Variants in DRG1 observed in about 807,000 individuals in gnomAD.
DRG1 encodes the protein developmentally regulated GTP binding protein 1.
A neutral mutation model predicts 38.8 loss-of-function variants in DRG1; 19 were observed. That is an observed-to-expected ratio of 0.49 (90% CI 0.34 to 0.72). The LOEUF is 0.72. Ranked by LOEUF, DRG1 falls within the 30% of genes least tolerant of loss-of-function variation. The pLI, the probability that DRG1 is intolerant of heterozygous loss-of-function variation, is 0.01. For synonymous variants in DRG1, 167 were observed against 157.5 expected (o/e 1.06, Z -0.45); for missense variants, 299 against 444.8 (o/e 0.67, Z 2.95).
Position 31,434,044 on chromosome 22 carries a change from C to A in DRG1, c.*73C>A. 1.4e-6 allele frequency: 2 copies of A among 1,446,426 alleles called. No individual in the cohort carries two copies. Among genetic ancestry groups the A allele is most frequent in the Non-Finnish European group, 1.9e-6 (2 of 1,043,952 alleles). 89.6% of individuals were successfully genotyped at this position (1,446,426 alleles called of 1,614,324 possible). ...CATGATCAAGCACCCTACCCCAGTT[C>A]TTTCTGGTTTTGGCAGTCACTGGAT... On this transcript the variant is annotated 3_prime_UTR_variant, in exon 9 of 9. Transcript: ENST00000331457.
intron 5 of DRG1, chr22:31,421,311 C>T (rs953116512): frequency 4.5e-5 from 5 of 111,602 alleles, no homozygotes; most frequent in South Asian, 2.7e-4. Flanking sequence ...TTGGTAGAAA[C>T]GGAGATTTGC....
intron 3 of DRG1, among the ~76,000 whole-genome samples, chr22:31,410,480 G>A (rs1277350936): frequency 3.3e-5 from 5 of 151,118 alleles, no homozygotes; most frequent in Non-Finnish European, 7.4e-5. Context: ...AACAAAAAAC[G>A]CCTATAGGCT....
Position 31,399,666 on chromosome 22 carries a change from C to A in DRG1, c.-18C>A. ...GTGTGAAGGGAGACAGTGTGGAGGC[C>A]ACAGGGTACTCGCCACGATGAGCAG... On this transcript the variant is annotated 5_prime_UTR_variant, in exon 1 of 9. Transcript: ENST00000331457. 6.2e-7 allele frequency: 1 copy of A among 1,614,022 alleles called. No homozygotes were observed. Among genetic ancestry groups the A allele is most frequent in the Non-Finnish European group, 8.5e-7 (1 of 1,179,902 alleles).
chr22:31,403,351 A>G, intron 3 of DRG1, 147 bp downstream of exon 3: 2 of 889,154 alleles, frequency 2.2e-6, no homozygotes, highest in Non-Finnish European at 3.3e-6. Flanking sequence ...GTACGATAAT[A>G]AAATGGGATA....
intron 3 of DRG1, among the ~76,000 whole-genome samples, chr22:31,407,935 A>G (rs916448509): frequency 4.7e-5 from 7 of 149,890 alleles, no homozygotes; most frequent in African/African-American, 1.7e-4. Context: ...AGCTTGGCCA[A>G]TGTGGTGAAA....
intron 8 of DRG1, among the ~76,000 whole-genome samples, chr22:31,432,386 C>CAT (rs1394362904): frequency 6.6e-6 from 1 of 151,092 alleles, no homozygotes. Flanking sequence ...CTTGACCACA[C>CAT]TGATCCCTTA....
intron 2 of DRG1, among the ~76,000 whole-genome samples, chr22:31,401,848 C>T (rs995592702): frequency 3.3e-5 from 5 of 151,848 alleles, no homozygotes; most frequent in African/African-American, 1.2e-4. Flanking sequence ...GTCAGGAGTT[C>T]GAGACTAGCC....
rs1229776376 is a variant in DRG1, at chr22:31,400,626, C to T, written c.49C>T (p.Arg17Trp). Residue 17 changes from arginine to tryptophan, a missense_variant, in exon 2 of 9, where the codon CGG (arginine) becomes TGG (tryptophan). Coordinates refer to ENST00000331457, the MANE Select transcript of DRG1 (RefSeq NM_004147.4). ...TGTGATTCCTCCCTTTTAGATGGCTCGGACTCAAAAGAACAAGGCCACAGC... is the reference window on the plus strand; with the variant it reads ...TGTGATTCCTCCCTTTTAGATGGCTTGGACTCAAAAGAACAAGGCCACAGC... ...KIAEIEAEMA[R>W]TQKNKATAHH... 1.2e-6 allele frequency: 2 copies of T among 1,612,512 alleles called. No individual in the cohort carries two copies. The highest frequency in any genetic ancestry group is 1.7e-5 in the Admixed American group (1 of 59,890).
rs1337931838 is a variant in DRG1, at chr22:31,423,317, G to C, written c.620G>C (p.Ser207Thr). The C allele has an allele frequency of 1.9e-6, 3 of 1,614,070 alleles. No homozygotes were observed. The highest frequency in any genetic ancestry group is 2.5e-6 in the Non-Finnish European group (3 of 1,180,016). Residue 207 changes from serine to threonine, a missense_variant, in exon 6 of 9, where the codon AGC (serine) becomes ACC (threonine). Physicochemically the swap from Ser to Thr is moderately conservative, Grantham distance 58 (BLOSUM62 1). This residue lies in a region of DRG1 where 198 missense variants were observed against 268.1 expected (regional missense o/e 0.74). Transcript: ENST00000331457. The part of the protein sequence containing the change: ...QSELDAETVK[S>T]ILAEYKIHNA... ...GAGCTGGATGCTGAAACTGTGAAGA[G>C]CATTCTGGCTGAATACAAGATTCAT...
intron 5 of DRG1, chr22:31,421,231 A>T (rs2050074981): frequency 2.7e-5 from 4 of 150,836 alleles, no homozygotes; most frequent in Admixed American, 2.0e-4. Flanking sequence ...CTCCTGCCTC[A>T]GCCTTCTAAG....
intron 5 of DRG1, among the ~76,000 whole-genome samples, chr22:31,421,935 T>G (rs5994394): frequency 0.23 from 34,403 of 151,382 alleles, 4,997 homozygotes; most frequent in East Asian, 0.46. Flanking sequence ...GCCAACATGG[T>G]GAAACCCTGT....
In DRG1 at chr22:31,420,405, G is replaced by T; in HGVS notation, c.562G>T (p.Gly188Cys). ...NIGFKKKDKG[G>C]INLTATCPQS... ...TGGCTTTAAGAAGAAGGACAAGGGA[G>T]GCATTAATCTCACAGCCACTGTAAG... The change falls in exon 5 of 9, where the codon GGC becomes TGC. Residue 188 changes from glycine to cysteine, a missense_variant. By Grantham distance (159) the Gly-to-Cys change is radical. This residue lies in a region of DRG1 where 198 missense variants were observed against 268.1 expected (regional missense o/e 0.74). Coordinates refer to ENST00000331457, the MANE Select transcript of DRG1 (RefSeq NM_004147.4). 1 of 1,614,124 alleles carries T rather than the reference G, an allele frequency of 6.2e-7. No homozygotes were observed. Among genetic ancestry groups the T allele is most frequent in the East Asian group, 2.2e-5 (1 of 44,884 alleles).
Position 31,426,604 on chromosome 22 carries a change from A to T in DRG1, c.714-11A>T. 1.9e-6 allele frequency: 3 copies of T among 1,600,974 alleles called. No homozygotes were observed. The highest frequency in any genetic ancestry group is 1.1e-5 in the South Asian group (1 of 88,964). On this transcript the variant is annotated splice_polypyrimidine_tract_variant and intron_variant, in intron 6 of 8. Coordinates refer to ENST00000331457, the MANE Select transcript of DRG1 (RefSeq NM_004147.4). ...CCAGACTAATACCCTGTTTTTCTTC[A>T]CTTTCTGTAGAGTTTATATCCCCTG...
At chr22:31,405,781 C>T (rs899636998) in intron 3 of DRG1, among the ~76,000 whole-genome samples, 2 of 151,874 alleles carry the variant, frequency 1.3e-5, no homozygotes, top group Non-Finnish European at 2.9e-5. Context: ...CTCCGCCTCC[C>T]GGGTTCAAGT....
At chr22:31,422,212 A>G (rs1362974427) in intron 5 of DRG1, among the ~76,000 whole-genome samples, 1 of 152,174 alleles carries the variant, frequency 6.6e-6, no homozygotes, top group African/African-American at 2.4e-5. Context: ...TGGGCAGATT[A>G]CATGAGGTCA....
intron 8 of DRG1, among the ~76,000 whole-genome samples, chr22:31,429,654 CT>C (rs695526): frequency 2.0e-3 from 287 of 143,734 alleles, no homozygotes; most frequent in South Asian, 5.1e-3. Flanking sequence ...TGATAAGCTC[CT>C]TTTTTTTTTT....
At position 31,411,097 on chromosome 22, in the gene DRG1, G is replaced by A; in HGVS notation, c.412+16G>A. 1 of 1,612,826 alleles carries A rather than the reference G, an allele frequency of 6.2e-7. No homozygotes were observed. The highest frequency in any genetic ancestry group is 8.5e-7 in the Non-Finnish European group (1 of 1,179,156). ...GTCATTGCAGGTGAGTGGTTTAAGT[G>A]CCACCATCCTGGGATATCATTCCCT... On this transcript the variant is annotated intron_variant, in intron 4 of 8. Coordinates refer to ENST00000331457, the MANE Select transcript of DRG1 (RefSeq NM_004147.4).
intron 3 of DRG1, among the ~76,000 whole-genome samples, chr22:31,404,841 T>C (rs2145858610): frequency 6.6e-6 from 1 of 151,898 alleles, no homozygotes; most frequent in East Asian, 1.9e-4. Context: ...CCAGGCTGGT[T>C]TTGAACTCCT....
intron 4 of DRG1, among the ~76,000 whole-genome samples, chr22:31,417,379 T>A (rs1361346520): frequency 1.4e-5 from 2 of 140,626 alleles, no homozygotes; most frequent in African/African-American, 5.4e-5. Context: ...CAAAAAATAA[T>A]AATAATAAAA....
Sources: allele counts gnomAD v4.1 joint callset (sites outside exome capture counted in the v4.1 genomes callset), GRCh38; gene constraint gnomAD v4.1.1; regional missense constraint gnomAD v4.1.1; transcripts MANE v1.5; gene names NCBI Gene and HGNC (gene_info 2026-07-23, HGNC 2026-07-21).